The following AGBL4 variants were observed in gnomAD, a reference collection of about 807,000 sequenced individuals.
AGBL4 encodes AGBL carboxypeptidase 4, also known as cytosolic carboxypeptidase 6.
Under a neutral mutation model 66.4 loss-of-function variants are expected in AGBL4, and 58 were observed. The observed-to-expected ratio is 0.87, with a 90% CI of 0.71 to 1.09. The LOEUF (loss-of-function observed/expected upper bound fraction) is 1.09, where lower values mean the gene tolerates loss of function less well. Among genes scored for constraint, AGBL4 ranks in the 50% least tolerant of loss-of-function variants. The pLI is 0.00. For missense variants in AGBL4, 579 were observed against 631.0 expected, an observed-to-expected ratio of 0.92 and a Z score of 0.88; for synonymous variants, 234 against 222.9, an observed-to-expected ratio of 1.05 and a Z score of -0.44.
intron 2 of AGBL4, among the ~76,000 whole-genome samples, chr1:49,707,548 T>C (rs1463793257): frequency 6.6e-6 from 1 of 152,078 alleles, no homozygotes; most frequent in African/African-American, 2.4e-5. Context: ...TTTAGCCCAT[T>C]TACATTTGAG....
chr1:50,012,714 C>G (rs1661643278), intron 1 of AGBL4, among the ~76,000 whole-genome samples: 1 of 152,156 alleles, frequency 6.6e-6, no homozygotes, highest in Non-Finnish European at 1.5e-5. Context: ...GCAAGAAGCT[C>G]ATTCCCAGAG....
Position 49,247,564 on chromosome 1 carries a change from C to T in AGBL4, c.283-1700G>A, listed in dbSNP as rs756787285. 3.2e-4 allele frequency among the ~76,000 whole-genome samples: 49 copies of T among 152,034 alleles called. 1 individual carries two copies. Among genetic ancestry groups the T allele is most frequent in the Non-Finnish European group, 7.4e-5 (5 of 67,994 alleles). ...TTGAGGGGACAAATGGCCTTTGAAC[C>T]TCAGAGGGCATAAGCCCCCCCTTTT... is the stretch of plus-strand genomic sequence containing the variant. On this transcript the variant is annotated intron_variant, in intron 3 of 13. Transcript: ENST00000371839.
At chr1:49,896,889 C>A (rs1014996146) in intron 1 of AGBL4, among the ~76,000 whole-genome samples, 1 of 151,782 alleles carries the variant, frequency 6.6e-6, no homozygotes, top group Admixed American at 6.6e-5. Context: ...GCTGAAAAGG[C>A]ATTTGATAAA....
chr1:48,848,768 A>T (rs1646972360), intron 6 of AGBL4, among the ~76,000 whole-genome samples: 1 of 152,148 alleles, frequency 6.6e-6, no homozygotes, highest in African/African-American at 2.4e-5. Context: ...TCATTATAGG[A>T]GTACCAGTGG....
intron 1 of AGBL4, among the ~76,000 whole-genome samples, chr1:49,902,183 C>T (rs1649825427): frequency 6.6e-6 from 1 of 152,056 alleles, no homozygotes; most frequent in Non-Finnish European, 1.5e-5. Flanking sequence ...CAAAAATTAA[C>T]AAGTGGTGCC....
intron 4 of AGBL4, among the ~76,000 whole-genome samples, chr1:49,216,383 G>C (rs1215853770): frequency 1.3e-5 from 2 of 151,608 alleles, no homozygotes; most frequent in Non-Finnish European, 2.9e-5. Context: ...GTACCCAAAA[G>C]TTAGTTTTCA....
At chr1:48,995,537 A>G (rs1283912898) in intron 5 of AGBL4, among the ~76,000 whole-genome samples, 6 of 152,264 alleles carry the variant, frequency 3.9e-5, no homozygotes, top group African/African-American at 1.4e-4. Context: ...ATTAAATGAA[A>G]TAAGTTCAGC....
In AGBL4 at chr1:49,697,379, C is replaced by T. The variant is rs773187905; in HGVS notation, c.216G>A (p.Pro72=). 8.4e-6 allele frequency: 13 copies of T among 1,547,680 alleles called. No homozygotes were observed. The highest frequency in any genetic ancestry group is 3.3e-4 in the Middle Eastern group (2 of 5,994). The change falls in exon 3 of 14, where the codon CCG becomes CCA. Residue 72 remains proline, a synonymous_variant. Transcript: ENST00000371839. The part of the protein sequence containing the change: ...SEFEYDLFIR[P]DTCNPRFRVW... ...CTCGGAAGCGTGGATTACAGGTGTCCGGCCTAATGAACAGATCATACTCAA... is the reference window on the plus strand; with the variant it reads ...CTCGGAAGCGTGGATTACAGGTGTCTGGCCTAATGAACAGATCATACTCAA...
chr1:49,714,593 T>C (rs59223630), intron 2 of AGBL4, among the ~76,000 whole-genome samples: 1,489 of 113,958 alleles, frequency 0.013, 17 homozygotes, highest in African/African-American at 0.029. Context: ...TATATATATA[T>C]ACACACACAC....
chr1:48,712,512 T>C (rs985805941), intron 6 of AGBL4, among the ~76,000 whole-genome samples: 2 of 152,180 alleles, frequency 1.3e-5, no homozygotes, highest in African/African-American at 4.8e-5. Flanking sequence ...GTGATAATAA[T>C]AACATAGAGC....
Position 49,697,335 on chromosome 1 carries a change from A to G in AGBL4, c.260T>C (p.Val87Ala), listed in dbSNP as rs1246333221. 3.2e-6 allele frequency: 5 copies of G among 1,546,652 alleles called. No homozygotes were observed. In the South Asian group the frequency reaches 6.0e-5, roughly 18 times the overall value. ...PRFRVWFNFT[V>A]ENVKESQRVI... Reference sequence around the variant, plus strand: ...CACCTGTGATTCTTTCACATTTTCAACAGTAAAGTTGAACCAGACTCGGAA... The same window carrying G: ...CACCTGTGATTCTTTCACATTTTCAGCAGTAAAGTTGAACCAGACTCGGAA... The change falls in exon 3 of 14, where the codon GTT (valine) becomes GCT (alanine). Residue 87 changes from valine (V) to alanine (A), a missense_variant. By Grantham distance (64) the Val-to-Ala change is moderately conservative (BLOSUM62 0). Transcript: ENST00000371839.
At chr1:49,960,150 T>C (rs1656999596) in intron 1 of AGBL4, among the ~76,000 whole-genome samples, 1 of 152,020 alleles carries the variant, frequency 6.6e-6, no homozygotes, top group East Asian at 1.9e-4. Flanking sequence ...AACCTGCACA[T>C]GTACCCCTGA....
chr1:49,112,222 A>G (rs968021039), intron 4 of AGBL4, among the ~76,000 whole-genome samples: 1 of 152,206 alleles, frequency 6.6e-6, no homozygotes, highest in African/African-American at 2.4e-5. Context: ...ATGTTTGAGG[A>G]TCTGTTTTCT....
At chr1:49,401,136 C>A (rs141920469) in intron 3 of AGBL4, among the ~76,000 whole-genome samples, 1 of 152,166 alleles carries the variant, frequency 6.6e-6, no homozygotes. Context: ...AATTCACTCA[C>A]GTTCCACATG....
intron 3 of AGBL4, among the ~76,000 whole-genome samples, chr1:49,375,993 A>G (rs1456782242): frequency 6.6e-6 from 1 of 152,076 alleles, no homozygotes; most frequent in East Asian, 1.9e-4. Flanking sequence ...TTCTAAAACA[A>G]AAAATCTGTG....
chr1:49,482,576 A>T (rs1646979113), intron 3 of AGBL4, among the ~76,000 whole-genome samples: 1 of 148,132 alleles, frequency 6.8e-6, no homozygotes, highest in Non-Finnish European at 1.5e-5. Flanking sequence ...TTTTTAAACC[A>T]TTTCTGGATT....
intron 4 of AGBL4, among the ~76,000 whole-genome samples, chr1:49,061,406 TG>T (rs1361546769): frequency 2.6e-5 from 4 of 152,126 alleles, no homozygotes; most frequent in African/African-American, 9.7e-5. Flanking sequence ...CCCAGTCCAT[TG>T]CTCCATGTGA....
intron 6 of AGBL4, among the ~76,000 whole-genome samples, chr1:48,731,607 C>A (rs1648140353): frequency 6.6e-6 from 1 of 152,124 alleles, no homozygotes. Flanking sequence ...AGCAGTTAGC[C>A]AGGCAAAGCA....
chr1:49,082,929 C>G (rs762558904), intron 4 of AGBL4, among the ~76,000 whole-genome samples: 2 of 152,110 alleles, frequency 1.3e-5, no homozygotes, highest in Non-Finnish European at 2.9e-5. Flanking sequence ...AGAAATTGGC[C>G]AAAACAAAGA....
Sources: gnomAD v4.1 joint callset for allele counts (sites outside exome capture counted in the v4.1 genomes callset) on GRCh38, gnomAD v4.1.1 for gene constraint, MANE v1.5 for transcripts, NCBI Gene and HGNC (gene_info 2026-07-23, HGNC 2026-07-21) for gene names.